The following CALCR variants were observed in gnomAD, a reference collection of about 807,000 sequenced individuals.
CALCR encodes calcitonin receptor.
Under a neutral mutation model 59.5 loss-of-function variants are expected in CALCR, and 47 were observed. That is an observed-to-expected ratio of 0.79 (90% CI 0.63 to 1.01). The LOEUF is 1.01. Ranked by LOEUF, CALCR falls within the 50% of genes least tolerant of loss-of-function variation. The probability of loss-of-function intolerance (pLI) is 0.00; values close to 1 mark genes in which losing one functional copy is unlikely to be tolerated. For synonymous variants in CALCR, 213 were observed against 211.3 expected (o/e 1.01, Z -0.07); for missense variants, 566 against 597.1 (o/e 0.95, Z 0.54).
chr7:93,461,801 C>T (rs543472300), intron 7 of CALCR, among the ~76,000 whole-genome samples: 2 of 152,106 alleles, frequency 1.3e-5, no homozygotes, highest in East Asian at 3.9e-4. Flanking sequence ...TTTTTTGATG[C>T]AATAGAGAGA....
At chr7:93,539,592 C>T (rs947975613) in intron 2 of CALCR, among the ~76,000 whole-genome samples, 6 of 151,922 alleles carry the variant, frequency 3.9e-5, no homozygotes, top group Non-Finnish European at 1.5e-5. Context: ...GGTATAGGTC[C>T]CTGGAATCAG....
chr7:93,439,963 C>A (rs1334446478), intron 9 of CALCR, among the ~76,000 whole-genome samples: 2 of 152,104 alleles, frequency 1.3e-5, no homozygotes, highest in African/African-American at 4.8e-5. Flanking sequence ...AAGAACCATT[C>A]TTTGATTTTC....
At chr7:93,497,735 T>C (rs940883964) in intron 2 of CALCR, among the ~76,000 whole-genome samples, 1 of 151,594 alleles carries the variant, frequency 6.6e-6, no homozygotes, top group African/African-American at 2.4e-5. Flanking sequence ...TTCATATCTT[T>C]TCAGTTTCCA....
At chr7:93,507,610 T>TA (rs879906850) in intron 2 of CALCR, among the ~76,000 whole-genome samples, 113 of 141,758 alleles carry the variant, frequency 8.0e-4, no homozygotes, top group East Asian at 1.0e-3. Flanking sequence ...AAGTCTGCAT[T>TA]AAAAAAAAAA....
At chr7:93,547,605 A>G (rs965124735) in intron 2 of CALCR, among the ~76,000 whole-genome samples, 1 of 152,210 alleles carries the variant, frequency 6.6e-6, no homozygotes, top group Non-Finnish European at 1.5e-5. Flanking sequence ...TGGGTGATCT[A>G]CTAGAAGTCC....
At chr7:93,443,156 G>A (rs534160026) in intron 9 of CALCR, among the ~76,000 whole-genome samples, 34 of 152,220 alleles carry the variant, frequency 2.2e-4, no homozygotes, top group Non-Finnish European at 4.0e-4. Context: ...TTTCACTGGA[G>A]GAATCCTGAT....
At chr7:93,444,132 G>A (rs925218849) in intron 8 of CALCR, among the ~76,000 whole-genome samples, 9 of 152,070 alleles carry the variant, frequency 5.9e-5, no homozygotes, top group Admixed American at 4.6e-4. Context: ...AGCAAATAAC[G>A]CAGATATTTT....
intron 2 of CALCR, among the ~76,000 whole-genome samples, chr7:93,517,450 C>A (rs1321509906): frequency 1.3e-5 from 2 of 151,652 alleles, no homozygotes; most frequent in East Asian, 3.9e-4. Flanking sequence ...TATAAACTAG[C>A]AATGATTTGT....
intron 13 of CALCR, among the ~76,000 whole-genome samples, chr7:93,427,285 AC>A (rs1562922826): frequency 6.6e-6 from 1 of 152,194 alleles, no homozygotes; most frequent in Non-Finnish European, 1.5e-5. Context: ...ACAACTGAAA[AC>A]AGTACCACAG....
intron 6 of CALCR, among the ~76,000 whole-genome samples, chr7:93,470,545 C>G (rs950584142): frequency 6.6e-6 from 1 of 151,408 alleles, no homozygotes; most frequent in Non-Finnish European, 1.5e-5. Context: ...CAGAGTACTC[C>G]TTTTAAAAAC....
At chr7:93,460,773 A>G in intron 8 of CALCR, 48 bp downstream of exon 8, 2 of 1,429,942 alleles carry the variant, frequency 1.4e-6, no homozygotes, top group Non-Finnish European at 1.9e-6. Flanking sequence ...ATTTACAGGT[A>G]CTATATCCTT....
At chr7:93,569,369 G>A (rs1364979560) in intron 2 of CALCR, among the ~76,000 whole-genome samples, 1 of 152,050 alleles carries the variant, frequency 6.6e-6, no homozygotes, top group Non-Finnish European at 1.5e-5. Context: ...CCCTGCTGGG[G>A]CAACAAAAAT....
rs564049128 is a variant in CALCR, at chr7:93,433,071, G to A, written c.1191+1182C>T. 4.6e-5 allele frequency among the ~76,000 whole-genome samples: 7 copies of A among 152,216 alleles called. No homozygotes were observed. The East Asian group carries it at 1.4e-3, about 29-fold the overall frequency. The stretch of plus-strand genomic sequence containing the variant: ...TAGGTGAATGGATGAAGAAAGAAAG[G>A]AATAAAATGTAATAACTAAAATGGA... On this transcript the variant is annotated intron_variant, in intron 13 of 13. Coordinates refer to ENST00000426151, the MANE Select transcript of CALCR (RefSeq NM_001742.4).
chr7:93,451,010 C>G (rs1280650744), intron 8 of CALCR, among the ~76,000 whole-genome samples: 3 of 151,550 alleles, frequency 2.0e-5, no homozygotes, highest in Non-Finnish European at 4.4e-5. Context: ...CCCAATTTAT[C>G]TATTTAGTTG....
intron 8 of CALCR, among the ~76,000 whole-genome samples, chr7:93,454,916 T>TGTG (rs1800178646): frequency 6.2e-5 from 9 of 144,918 alleles, no homozygotes; most frequent in African/African-American, 2.3e-4. Flanking sequence ...ACAGGGCATT[T>TGTG]TGTGTGTGTG....
At chr7:93,438,855 A>C (rs1187301338) in intron 9 of CALCR, among the ~76,000 whole-genome samples, 3 of 152,084 alleles carry the variant, frequency 2.0e-5, no homozygotes, top group Admixed American at 1.3e-4. Context: ...GAGAAACTTT[A>C]TGAAGGCAGC....
Position 93,426,588 on chromosome 7 carries a change from ACCTGG to A in CALCR, c.1192-4_1192del, listed in dbSNP as rs1415265661. On this transcript the variant is annotated splice_acceptor_variant and splice_polypyrimidine_tract_variant and coding_sequence_variant and intron_variant, in exon 14 of 14. Coordinates refer to ENST00000426151, the MANE Select transcript of CALCR (RefSeq NM_001742.4). LOFTEE classifies it high-confidence loss of function. ...CCATTGGCGCTTCACGGTGGTTTGG[ACCTGG>A]AAGAGAAAAAGGAGCCTTGTTTTTA... 2 of 1,561,176 alleles carry A rather than the reference ACCTGG, an allele frequency of 1.3e-6. No individual in the cohort carries two copies. The highest frequency in any genetic ancestry group is 1.8e-5 in the Admixed American group (1 of 54,904).
intron 2 of CALCR, among the ~76,000 whole-genome samples, chr7:93,546,508 G>A (rs945605056): frequency 1.3e-5 from 2 of 151,972 alleles, no homozygotes; most frequent in East Asian, 3.8e-4. Context: ...GCCTGAAATG[G>A]TGGCTTCCCA....
At position 93,462,828 on chromosome 7, in the gene CALCR, CTTT is replaced by C. The variant is rs1800364182; in HGVS notation, c.522-1884_522-1882del. 1.3e-5 allele frequency among the ~76,000 whole-genome samples: 2 copies of C among 151,988 alleles called. 1 individual carries two copies. Among genetic ancestry groups the C allele is most frequent in the South Asian group, 4.1e-4 (2 of 4,820 alleles). On this transcript the variant is annotated intron_variant, in intron 7 of 13. Transcript: ENST00000426151. Reference sequence around the variant, plus strand: ...ATACTTCCTCTACCTCCAGCTTACTCTTTTGTGTGCCTGCTCTACTTTTCTTCT... The same window carrying C: ...ATACTTCCTCTACCTCCAGCTTACTCTGTGTGCCTGCTCTACTTTTCTTCT...
Sources: gnomAD v4.1 joint callset for allele counts (sites outside exome capture counted in the v4.1 genomes callset) on GRCh38, gnomAD v4.1.1 for gene constraint, MANE v1.5 for transcripts, NCBI Gene and HGNC (gene_info 2026-07-23, HGNC 2026-07-21) for gene names.